SAE1: variants seen among roughly 807,000 people sequenced by gnomAD.
SAE1 encodes the protein SUMO1 activating enzyme subunit 1, also known as SUMO-activating enzyme subunit 1.
SAE1 carries 11 observed loss-of-function variants against 40.6 expected under a neutral mutation model. That is an observed-to-expected ratio of 0.27 (90% CI 0.17 to 0.45). SAE1 has a LOEUF of 0.45. SAE1 is among the 20% of genes least tolerant of loss of function. SAE1 has a pLI of 1.00. For synonymous variants in SAE1, 155 were observed against 154.3 expected (o/e 1.00, Z -0.03); for missense variants, 373 against 427.3 (o/e 0.87, Z 1.12).
chr19:47,142,770 T>C (rs1264065164), intron 1 of SAE1, among the ~76,000 whole-genome samples: 3 of 152,218 alleles, frequency 2.0e-5, no homozygotes, highest in Non-Finnish European at 4.4e-5. Flanking sequence ...GTTTGTCCTT[T>C]ATTTCATTTT....
chr19:47,186,467 C>T (rs2123288386), intron 6 of SAE1, among the ~76,000 whole-genome samples: 1 of 152,196 alleles, frequency 6.6e-6, no homozygotes, highest in South Asian at 2.1e-4. Flanking sequence ...TTATAGGGAT[C>T]CTTAATACCA....
At chr19:47,168,184 ACTGT>A (rs1445307545) in intron 5 of SAE1, among the ~76,000 whole-genome samples, 1 of 151,220 alleles carries the variant, frequency 6.6e-6, no homozygotes, top group East Asian at 1.9e-4. Flanking sequence ...AGAGGGGGAG[ACTGT>A]CTGGAAAAAA....
intron 1 of SAE1, among the ~76,000 whole-genome samples, chr19:47,132,817 G>A (rs2058154383): frequency 6.6e-6 from 1 of 151,624 alleles, no homozygotes; most frequent in South Asian, 2.1e-4. Context: ...GAGCCCCTGG[G>A]AGGTGGAGGT....
intron 7 of SAE1, among the ~76,000 whole-genome samples, chr19:47,198,889 C>A (rs1187549257): frequency 1.3e-5 from 2 of 151,752 alleles, no homozygotes; most frequent in Non-Finnish European, 2.9e-5. Context: ...GAGTTTGAGG[C>A]CAACCTTGAC....
At chr19:47,162,489 G>GT (rs1039821753) in intron 5 of SAE1, among the ~76,000 whole-genome samples, 89 of 151,940 alleles carry the variant, frequency 5.9e-4, no homozygotes, top group Non-Finnish European at 2.1e-4. Flanking sequence ...AACTTCAGGC[G>GT]TTTTTTTTCC....
chr19:47,155,751 T>C (rs2058319673), intron 5 of SAE1, among the ~76,000 whole-genome samples: 1 of 142,470 alleles, frequency 7.0e-6, no homozygotes, highest in Non-Finnish European at 1.5e-5. Flanking sequence ...CCCATACCCT[T>C]TTTTTTTTTT....
intron 5 of SAE1, among the ~76,000 whole-genome samples, chr19:47,165,002 G>T (rs957217857): frequency 9.9e-5 from 15 of 151,024 alleles, no homozygotes; most frequent in African/African-American, 3.7e-4. Context: ...GGCCAGGCTG[G>T]TCTCGAACTC....
chr19:47,171,317 G>A (rs1048548018), intron 6 of SAE1, among the ~76,000 whole-genome samples: 1 of 148,214 alleles, frequency 6.7e-6, no homozygotes, highest in South Asian at 2.1e-4. Context: ...TTTTGGAGAC[G>A]GAGTCTAGCT....
rs377423093 is a variant in SAE1, at chr19:47,197,355, C to T, written c.856C>T (p.Leu286=). 9.3e-6 allele frequency: 15 copies of T among 1,613,248 alleles called. No homozygotes were observed. Among genetic ancestry groups the T allele is most frequent in the Non-Finnish European group, 1.2e-5 (14 of 1,179,758 alleles). Residue 286 remains leucine, a synonymous_variant, in exon 7 of 9, where the codon CTG becomes TTG. Transcript: ENST00000270225. ...VLDSLGISPD[L]LPEDFVRYCF... is the part of the protein sequence containing the mutation. ...TGACTCACTGGGTATTAGTCCTGAC[C>T]TGCTTCCTGAGGACTTTGTCAGGTT...
At chr19:47,135,227 TG>T (rs1451616962) in intron 1 of SAE1, among the ~76,000 whole-genome samples, 2 of 152,180 alleles carry the variant, frequency 1.3e-5, no homozygotes, top group African/African-American at 2.4e-5. Context: ...AAATTATTGT[TG>T]ACTGTAGTCA....
At chr19:47,141,018 A>AT (rs951528347) in intron 1 of SAE1, among the ~76,000 whole-genome samples, 25 of 146,594 alleles carry the variant, frequency 1.7e-4, no homozygotes, top group South Asian at 1.1e-3. Flanking sequence ...TGCCCAGCTA[A>AT]TTTTTTTTTT....
chr19:47,144,516 G>T (rs148674714), intron 2 of SAE1, among the ~76,000 whole-genome samples: 2 of 151,712 alleles, frequency 1.3e-5, no homozygotes, highest in South Asian at 2.1e-4. Context: ...TGGCTAGCAC[G>T]GTGAAACCCC....
chr19:47,200,391 C>G (rs1416834414), intron 7 of SAE1, among the ~76,000 whole-genome samples: 1 of 147,958 alleles, frequency 6.8e-6, no homozygotes, highest in Non-Finnish European at 1.5e-5. Flanking sequence ...TACTACCAAG[C>G]CTGCCTAATT....
Position 47,130,885 on chromosome 19 carries a change from G to C in SAE1, c.-46G>C, listed in dbSNP as rs925296032. 4 of 1,546,150 alleles carry C rather than the reference G, an allele frequency of 2.6e-6. No homozygotes were observed. In the East Asian group the frequency reaches 7.4e-5, roughly 28 times the overall value. Reference sequence around the variant, plus strand: ...TAGGTGGCGCGCGGGTCCGGCGGGCGGTTGGCTTGAGCGGGACCGGAGCTG... The same window carrying C: ...TAGGTGGCGCGCGGGTCCGGCGGGCCGTTGGCTTGAGCGGGACCGGAGCTG... On this transcript the variant is annotated 5_prime_UTR_variant, in exon 1 of 9. Transcript: ENST00000270225.
chr19:47,145,814 C>T (rs1237590530), intron 2 of SAE1, among the ~76,000 whole-genome samples: 3 of 152,174 alleles, frequency 2.0e-5, no homozygotes, highest in South Asian at 2.1e-4. Flanking sequence ...CCACTGCACC[C>T]ATCTTAGAGC....
chr19:47,189,284 G>T (rs895489557), intron 6 of SAE1, among the ~76,000 whole-genome samples: 1 of 151,940 alleles, frequency 6.6e-6, no homozygotes, highest in South Asian at 2.1e-4. Context: ...GGGGCTGGGC[G>T]CAGTGGCTCA....
chr19:47,209,234 T>G lies in SAE1; in HGVS notation c.1024T>G (p.Cys342Gly). 6.2e-7 allele frequency: 1 copy of G among 1,613,974 alleles called. No individual in the cohort carries two copies. Among genetic ancestry groups the G allele is most frequent in the Non-Finnish European group, 8.5e-7 (1 of 1,179,980 alleles). ...DGMKGNGIVE[C>G]LGPK ...CATGAAGGGGAATGGGATTGTGGAG[T>G]GCCTTGGCCCCAAGTGAACTCAAGA... Residue 342 changes from cysteine to glycine, a missense_variant, in exon 9 of 9, where the codon TGC becomes GGC. Around this residue, in one of 3 missense-constraint regions of SAE1, gnomAD observed 351 missense variants for 390.6 expected, o/e 0.90. Transcript: ENST00000270225.
At chr19:47,186,819 T>A (rs1311390149) in intron 6 of SAE1, among the ~76,000 whole-genome samples, 1 of 152,020 alleles carries the variant, frequency 6.6e-6, no homozygotes, top group Non-Finnish European at 1.5e-5. Flanking sequence ...AAAGGGGCAT[T>A]TCAGAGTAGT....
chr19:47,140,267 C>A (rs2058212604), intron 1 of SAE1, among the ~76,000 whole-genome samples: 2 of 151,852 alleles, frequency 1.3e-5, no homozygotes, highest in African/African-American at 2.4e-5. Context: ...CCACCATGCC[C>A]AGCTAATTTT....
Sources: allele counts gnomAD v4.1 joint callset (sites outside exome capture counted in the v4.1 genomes callset), GRCh38; gene constraint gnomAD v4.1.1; regional missense constraint gnomAD v4.1.1; transcripts MANE v1.5; gene names NCBI Gene and HGNC (gene_info 2026-07-23, HGNC 2026-07-21).